The following CCDC171 variants were observed in gnomAD, a reference collection of about 807,000 sequenced individuals.
CCDC171 encodes the protein coiled-coil domain containing 171.
A neutral mutation model predicts 168.2 loss-of-function variants in CCDC171; 177 were observed. That is an observed-to-expected ratio of 1.05 (90% CI 0.93 to 1.19). The LOEUF is 1.19. Ranked by LOEUF, CCDC171 falls within the 50% of genes most tolerant of loss-of-function variation. CCDC171 has a pLI of 0.00. For missense variants in CCDC171, 1,991 were observed against 1,539.0 expected (o/e 1.29, Z -4.91); for synonymous variants, 687 against 540.8 (o/e 1.27, Z -3.75).
At chr9:15,996,043 T>C (rs2132931410) in intron 3 of CCDC171, among the ~76,000 whole-genome samples, 1 of 152,372 alleles carries the variant, frequency 6.6e-6, no homozygotes, top group Middle Eastern at 3.4e-3. Flanking sequence ...CACCGTGCTC[T>C]TCTGTAAGAT....
rs142230827 is a variant in CCDC171, at chr9:15,721,854, G to A, written c.1404G>A (p.Lys468=). ...GTACCTTGACAGATTACCAGAACAAGCTGGAAGATGCATCTAATGAGGTAA... is the reference window on the plus strand; with the variant it reads ...GTACCTTGACAGATTACCAGAACAAACTGGAAGATGCATCTAATGAGGTAA... ...LRRTLTDYQN[K]LEDASNEEKA... The change falls in exon 12 of 26, where the codon AAG becomes AAA. Residue 468 remains lysine (K), a synonymous_variant. Transcript: ENST00000380701. 1.0e-5 allele frequency: 16 copies of A among 1,549,466 alleles called. No individual in the cohort carries two copies. The African/African-American group carries it at 1.8e-4, about 17-fold the overall frequency.
intron 6 of CCDC171, among the ~76,000 whole-genome samples, chr9:16,030,151 A>G (rs1309099042): frequency 6.6e-6 from 1 of 152,184 alleles, no homozygotes; most frequent in East Asian, 1.9e-4. Flanking sequence ...CGCCTTTAAT[A>G]CCATCACCTT....
intron 18 of CCDC171, among the ~76,000 whole-genome samples, chr9:15,757,684 G>A (rs1445994097): frequency 6.6e-6 from 1 of 152,152 alleles, no homozygotes; most frequent in Non-Finnish European, 1.5e-5. Flanking sequence ...CCCATCACAG[G>A]CCCAGAGTCT....
At chr9:16,099,706 C>T in the CCDC171 span, among the ~76,000 whole-genome samples, 1 of 152,158 alleles carries the variant, frequency 6.6e-6, no homozygotes, top group Admixed American at 6.5e-5. Flanking sequence ...CCACAGTCTG[C>T]ACTGATTTGG....
the CCDC171 span, among the ~76,000 whole-genome samples, chr9:16,082,016 A>T: frequency 1.3e-5 from 2 of 152,202 alleles, no homozygotes; most frequent in African/African-American, 4.8e-5. Context: ...TATAAGTAAT[A>T]CATAACTAAA....
chr9:15,575,695 A>G (rs959012648), intron 3 of CCDC171, among the ~76,000 whole-genome samples: 7 of 152,228 alleles, frequency 4.6e-5, no homozygotes, highest in African/African-American at 1.2e-4. Flanking sequence ...TCAGTTCTGA[A>G]AGGCTTGACC....
intron 1 of CCDC171, among the ~76,000 whole-genome samples, chr9:16,059,714 C>T (rs1833902570): frequency 2.0e-5 from 3 of 150,368 alleles, no homozygotes; most frequent in Middle Eastern, 3.4e-3. Context: ...CGGGGTTTCA[C>T]CTTGTTAGCC....
chr9:15,971,512 A>G (rs1240877371), intron 25 of CCDC171, 97 bp from the exon 26 acceptor site: 1 of 696,806 alleles, frequency 1.4e-6, no homozygotes, highest in African/African-American at 1.8e-5. Flanking sequence ...TTTTTATATT[A>G]TAATGATTAT....
At chr9:15,793,761 A>T (rs948245502) in intron 21 of CCDC171, among the ~76,000 whole-genome samples, 1 of 151,508 alleles carries the variant, frequency 6.6e-6, no homozygotes, top group African/African-American at 2.4e-5. Context: ...ATTGGCTAGG[A>T]TGGTCTCGAT....
At chr9:15,666,395 A>C in intron 9 of CCDC171, 72 bp downstream of exon 9, 1 of 1,064,162 alleles carries the variant, frequency 9.4e-7, no homozygotes, top group Non-Finnish European at 1.3e-6. Flanking sequence ...ATATGAATGT[A>C]TACTATGTAT....
intron 8 of CCDC171, among the ~76,000 whole-genome samples, chr9:15,661,179 C>T (rs2048289444): frequency 6.6e-6 from 1 of 151,212 alleles, no homozygotes; most frequent in African/African-American, 2.4e-5. Context: ...ACTCCGGAGG[C>T]TGAGGCAGGA....
At chr9:15,653,817 C>G (rs2132861997) in intron 7 of CCDC171, among the ~76,000 whole-genome samples, 1 of 151,726 alleles carries the variant, frequency 6.6e-6, no homozygotes, top group South Asian at 2.1e-4. Flanking sequence ...CAGTTTTTCT[C>G]TGTTGCCCAG....
chr9:15,630,433 C>T (rs1018109737), intron 7 of CCDC171, among the ~76,000 whole-genome samples: 1 of 152,090 alleles, frequency 6.6e-6, no homozygotes, highest in African/African-American at 2.4e-5. Context: ...CAAAGAAGGC[C>T]ATTACATAAT....
intron 23 of CCDC171, among the ~76,000 whole-genome samples, chr9:15,872,198 G>T (rs1001318227): frequency 6.6e-6 from 1 of 151,880 alleles, no homozygotes. Flanking sequence ...TTCATCATTA[G>T]GTGTAGCAAA....
At chr9:15,893,762 T>G (rs1288705670) in intron 24 of CCDC171, among the ~76,000 whole-genome samples, 6 of 152,070 alleles carry the variant, frequency 3.9e-5, no homozygotes, top group Non-Finnish European at 5.9e-5. Context: ...AAGGCTATTA[T>G]TAAAAAGTCA....
At chr9:15,883,095 C>T (rs1001443290) in intron 24 of CCDC171, 5 of 403,996 alleles carry the variant, frequency 1.2e-5, no homozygotes, top group African/African-American at 9.1e-5. Context: ...GTGGTGTGAT[C>T]ATAGCTCACT....
intron 1 of CCDC171, among the ~76,000 whole-genome samples, chr9:16,054,115 G>A (rs1833795881): frequency 1.3e-5 from 2 of 152,136 alleles, no homozygotes; most frequent in African/African-American, 4.8e-5. Flanking sequence ...CCACGTATTT[G>A]AGTGCGTGGA....
intron 3 of CCDC171, among the ~76,000 whole-genome samples, chr9:15,979,390 C>T (rs1349461481): frequency 2.6e-5 from 4 of 152,106 alleles, no homozygotes; most frequent in Non-Finnish European, 4.4e-5. Context: ...AGCATTAAGT[C>T]TTATACCATG....
rs919858407 is a variant in CCDC171, at chr9:15,861,485, T to C, written c.3468+12538T>C. ...TTGTGTTTCGTTGATTTTTTTTGTA[T>C]TGATAAACTTTTATTAATTTCTTTT... is the stretch of plus-strand genomic sequence containing the variant. On this transcript the variant is annotated intron_variant, in intron 23 of 25. Coordinates refer to ENST00000380701, the MANE Select transcript of CCDC171 (RefSeq NM_173550.4). Among the ~76,000 whole-genome samples, 107 of 151,886 alleles carry C rather than the reference T, an allele frequency of 7.0e-4. 1 individual carries two copies. The highest frequency in any genetic ancestry group is 2.4e-3 in the African/African-American group (98 of 41,358).
Sources: gnomAD v4.1 joint callset for allele counts (sites outside exome capture counted in the v4.1 genomes callset) on GRCh38, gnomAD v4.1.1 for gene constraint, MANE v1.5 for transcripts, NCBI Gene and HGNC (gene_info 2026-07-23, HGNC 2026-07-21) for gene names.